The following MAPT variants were observed in gnomAD, a reference collection of about 807,000 sequenced individuals.
The protein encoded by MAPT is microtubule-associated protein tau.
MAPT carries 34 observed loss-of-function variants against 67.9 expected under a neutral mutation model. The observed-to-expected ratio is 0.50, with a 90% CI of 0.38 to 0.67. MAPT has a LOEUF of 0.67. Ranked by LOEUF, MAPT falls within the 30% of genes least tolerant of loss-of-function variation. The pLI is 0.00. For missense variants in MAPT, 881 were observed against 1,115.2 expected (o/e 0.79, Z 2.99); for synonymous variants, 456 against 464.5 (o/e 0.98, Z 0.23).
At chr17:45,930,599 A>G (rs763097933) in intron 1 of MAPT, among the ~76,000 whole-genome samples, 13 of 152,222 alleles carry the variant, frequency 8.5e-5, no homozygotes, top group Non-Finnish European at 1.5e-4. Context: ...CCACACAGCC[A>G]GTAAATTACA....
chr17:46,013,511 A>G (rs968455868), intron 10 of MAPT, among the ~76,000 whole-genome samples: 10 of 152,220 alleles, frequency 6.6e-5, no homozygotes, highest in African/African-American at 1.9e-4. Context: ...TTACTGAGAC[A>G]CTAAATCTGT....
chr17:46,019,837 C>G (rs910154111), intron 12 of MAPT, among the ~76,000 whole-genome samples: 1 of 151,438 alleles, frequency 6.6e-6, no homozygotes, highest in African/African-American at 2.4e-5. Context: ...CATGGTAAAA[C>G]CCCATCTCTA....
chr17:45,930,216 A>G (rs189463957), intron 1 of MAPT, among the ~76,000 whole-genome samples: 3 of 152,298 alleles, frequency 2.0e-5, no homozygotes, highest in East Asian at 1.9e-4. Context: ...CCTGGCCAAC[A>G]TGGTGAAACC....
At chr17:45,914,187 A>G (rs9915721) in intron 1 of MAPT, among the ~76,000 whole-genome samples, 42,724 of 151,230 alleles carry the variant, frequency 0.28, 6,579 homozygotes, top group Middle Eastern at 0.37. Flanking sequence ...ACAGCGAGAC[A>G]CTGCTGCTCA....
At chr17:45,959,266 A>G (rs958049845) in intron 1 of MAPT, among the ~76,000 whole-genome samples, 15 of 152,164 alleles carry the variant, frequency 9.9e-5, no homozygotes, top group African/African-American at 3.6e-4. Context: ...GTTACAACCA[A>G]TGAATCCTCA....
chr17:45,996,265 C>T lies in MAPT; in HGVS notation c.1733-134C>T, dbSNP rs539004000. The T allele has an allele frequency of 3.1e-5, 29 of 933,522 alleles. No individual in the cohort carries two copies. The highest frequency in any genetic ancestry group is 1.2e-4 in the East Asian group (5 of 40,296). The allele number at this position is 933,522 out of a possible 1,614,324, so 57.8% of individuals were successfully genotyped here. A position where few individuals can be genotyped will look rare whatever the true frequency, so the allele number is the denominator to read the frequency against. On this transcript the variant is annotated intron_variant, in intron 8 of 12. Coordinates refer to ENST00000262410, the MANE Select transcript of MAPT (RefSeq NM_001377265.1). This position sits in a 1 kb window ranked among gnomAD's most constrained non-coding sequence, Gnocchi z 4.5. ...CCAGGGCAGCCGTCTGCTGTAGCTG[C>T]GCTTCCAACCTGGCTTCCACCTGCC...
Position 45,983,274 on chromosome 17 carries a change from C to G in MAPT, c.695C>G (p.Pro232Arg). 1.3e-6 allele frequency: 2 copies of G among 1,599,018 alleles called. No homozygotes were observed. The highest frequency in any genetic ancestry group is 1.7e-6 in the Non-Finnish European group (2 of 1,173,176). The change falls in exon 5 of 13, where the codon CCC (proline) becomes CGC (arginine). Residue 232 changes from proline (P) to arginine (R), a missense_variant. By Grantham distance (103) the Pro-to-Arg change is moderately radical (BLOSUM62 -2). This residue lies in a region of MAPT where 687 missense variants were observed against 766.1 expected (regional missense o/e 0.90). Coordinates refer to ENST00000262410, the MANE Select transcript of MAPT (RefSeq NM_001377265.1). ...HQLMSGMPGA[P>R]LLPEGPREAT... ...CTCATGTCCGGCATGCCTGGGGCTC[C>G]CCTCCTGCCTGAGGGCCCCAGAGAG...
chr17:45,967,611 C>T (rs2071219703), intron 2 of MAPT, among the ~76,000 whole-genome samples: 1 of 152,158 alleles, frequency 6.6e-6, no homozygotes, highest in African/African-American at 2.4e-5. Context: ...AGTGTTTTAA[C>T]AAAGGGCATG....
chr17:46,009,588 G>T, intron 9 of MAPT, among the ~76,000 whole-genome samples: 1 of 112,920 alleles, frequency 8.9e-6, no homozygotes, highest in South Asian at 2.4e-4. Flanking sequence ...GTGGATGGAA[G>T]GAGAAGGCAC....
At chr17:45,945,104 G>T (rs1166923275) in intron 1 of MAPT, among the ~76,000 whole-genome samples, 2 of 152,194 alleles carry the variant, frequency 1.3e-5, no homozygotes, top group Non-Finnish European at 2.9e-5. Flanking sequence ...GGCCTCGAGT[G>T]GGGCTTCATG....
chr17:46,026,425 G>A lies in MAPT; in HGVS notation c.*2254G>A, dbSNP rs1431359174. The A allele has an allele frequency of 6.6e-6, 1 of 152,342 alleles. No homozygotes were observed. The highest frequency in any genetic ancestry group is 2.4e-5 in the African/African-American group (1 of 41,442). The allele number at this position is 152,342 out of a possible 1,614,324, so 9.4% of individuals were successfully genotyped here. A position where few individuals can be genotyped will look rare whatever the true frequency, so the allele number is the denominator to read the frequency against. Reference sequence around the variant, plus strand: ...GTGGCTGGTCTGGCTTGCGGCGCGAGGATGGTTCTCTCTGGTCATAGCCCG... The same window carrying A: ...GTGGCTGGTCTGGCTTGCGGCGCGAAGATGGTTCTCTCTGGTCATAGCCCG... On this transcript the variant is annotated 3_prime_UTR_variant, in exon 13 of 13. Transcript: ENST00000262410.
chr17:45,935,401 C>T (rs940380042), intron 1 of MAPT, among the ~76,000 whole-genome samples: 1 of 152,128 alleles, frequency 6.6e-6, no homozygotes, highest in Non-Finnish European at 1.5e-5. Flanking sequence ...AAGGATCACC[C>T]CAGAAAGCCA....
intron 1 of MAPT, among the ~76,000 whole-genome samples, chr17:45,934,238 G>A (rs2067123147): frequency 6.6e-6 from 1 of 152,144 alleles, no homozygotes; most frequent in Non-Finnish European, 1.5e-5. Context: ...TACTTGGGAG[G>A]CTGAGATGGG....
chr17:46,016,454 C>T (rs1031122396), intron 11 of MAPT, among the ~76,000 whole-genome samples: 1 of 152,028 alleles, frequency 6.6e-6, no homozygotes, highest in Non-Finnish European at 1.5e-5. Flanking sequence ...GCTTACTCCC[C>T]TCCCCACCTC....
intron 1 of MAPT, among the ~76,000 whole-genome samples, chr17:45,934,689 G>A (rs1374832111): frequency 6.6e-6 from 1 of 152,228 alleles, no homozygotes; most frequent in African/African-American, 2.4e-5. Context: ...TCTGAACCCT[G>A]CTGTCTGAGA....
At position 45,962,482 on chromosome 17, in the gene MAPT, G is replaced by A; in HGVS notation, c.133+12G>A. ...CGCTGGCCTGAAAGGTTAGTGGACAGCCATGCACAGCAGGCCCAGATCACT... is the reference window on the plus strand; with the variant it reads ...CGCTGGCCTGAAAGGTTAGTGGACAACCATGCACAGCAGGCCCAGATCACT... On this transcript the variant is annotated intron_variant, in intron 2 of 12. Coordinates refer to ENST00000262410, the MANE Select transcript of MAPT (RefSeq NM_001377265.1). The A allele has an allele frequency of 7.4e-6, 12 of 1,612,270 alleles. No individual in the cohort carries two copies. The highest frequency in any genetic ancestry group is 1.0e-5 in the Non-Finnish European group (12 of 1,179,744).
Position 46,022,873 on chromosome 17 carries a change from T to C in MAPT, c.2287-1083T>C, listed in dbSNP as rs1020552833. ...TGAGCCCAGGAATTTGAGGCCAGCC[T>C]GGGCAAGTAGATAGGTAGATGATTG... On this transcript the variant is annotated intron_variant, in intron 12 of 12. Coordinates refer to ENST00000262410, the MANE Select transcript of MAPT (RefSeq NM_001377265.1). Among the ~76,000 whole-genome samples, 13 of 152,314 alleles carry C rather than the reference T, an allele frequency of 8.5e-5. No homozygotes were observed. The South Asian group carries it at 1.0e-3, about 12-fold the overall frequency.
chr17:46,024,215 A>G lies in MAPT; in HGVS notation c.*44A>G. 1.3e-6 allele frequency: 2 copies of G among 1,548,796 alleles called. No individual in the cohort carries two copies. The highest frequency in any genetic ancestry group is 1.8e-6 in the Non-Finnish European group (2 of 1,121,974). On this transcript the variant is annotated 3_prime_UTR_variant, in exon 13 of 13. Transcript: ENST00000262410. The stretch of plus-strand genomic sequence containing the variant: ...CAATAATTGTGGAGAGGAGAGAATG[A>G]GAGAGTGTGGAAAAAAAAAGAATAA...
At chr17:46,011,266 C>T (rs751582773) in intron 10 of MAPT, among the ~76,000 whole-genome samples, 3 of 152,154 alleles carry the variant, frequency 2.0e-5, no homozygotes, top group Non-Finnish European at 2.9e-5. Flanking sequence ...TGTGGTGGCA[C>T]GCACCTGTAG....
Sources: allele counts gnomAD v4.1 joint callset (sites outside exome capture counted in the v4.1 genomes callset), GRCh38; gene constraint gnomAD v4.1.1; regional missense constraint gnomAD v4.1.1; non-coding constraint Gnocchi (gnomAD v3.1); transcripts MANE v1.5; gene names NCBI Gene and HGNC (gene_info 2026-07-23, HGNC 2026-07-21).